The following CELSR1 variants were observed in gnomAD, a reference collection of about 807,000 sequenced individuals.
CELSR1 encodes the protein cadherin EGF LAG seven-pass G-type receptor 1.
CELSR1 carries 110 observed loss-of-function variants against 249.1 expected under a neutral mutation model. The observed-to-expected ratio is 0.44, with a 90% CI of 0.38 to 0.52. The LOEUF is 0.52. CELSR1 is among the 20% of genes least tolerant of loss of function. The pLI, the probability that CELSR1 is intolerant of heterozygous loss-of-function variation, is 0.00. For missense variants in CELSR1, 4,109 were observed against 4,296.4 expected, an observed-to-expected ratio of 0.96 and a Z score of 1.22; for synonymous variants, 2,113 against 1,900.0, an observed-to-expected ratio of 1.11 and a Z score of -2.92.
chr22:46,463,573 G>T, intron 2 of CELSR1, 134 bp downstream of exon 2: 1 of 904,344 alleles, frequency 1.1e-6, no homozygotes, highest in South Asian at 3.1e-5. Context: ...GGTTCGTGGA[G>T]CCCACACCTG....
rs1293033076 is a variant in CELSR1 at position 46,397,725 on chromosome 22, T to TG, written c.5649dup (p.Asn1884GlnfsTer2). ...TCCCAGGCGTCGTGGCAGCGGCTAT[T>TG]GGGGGGACAGGGGCTCGAGGTACAG... On this transcript the variant is annotated frameshift_variant, in exon 12 of 35. Coordinates refer to ENST00000674500, the MANE Select transcript of CELSR1 (RefSeq NM_001378328.1). LOFTEE classifies it high-confidence loss of function. 2 of 1,587,738 alleles carry TG rather than the reference T, an allele frequency of 1.3e-6. No individual in the cohort carries two copies. Among genetic ancestry groups the TG allele is most frequent in the Non-Finnish European group, 1.7e-6 (2 of 1,165,758 alleles).
rs1331999194 is a variant in CELSR1, at chr22:46,374,598, C to T, written c.7585-1541G>A. ...CGTGCGTGGCTGCCGGGACAGCGCT[C>T]ACTCCGGCAGGCGACGAGTCAGTGT... On this transcript the variant is annotated intron_variant, in intron 24 of 34. Transcript: ENST00000674500. The surrounding 1 kb of genome is among the most constrained non-coding windows in gnomAD (Gnocchi z 4.3). 1.3e-5 allele frequency among the ~76,000 whole-genome samples: 2 copies of T among 152,174 alleles called. No homozygotes were observed. Among genetic ancestry groups the T allele is most frequent in the African/African-American group, 2.4e-5 (1 of 41,450 alleles).
chr22:46,436,064 G>C lies in CELSR1; in HGVS notation c.4522+110C>G. On this transcript the variant is annotated intron_variant, in intron 4 of 34. Coordinates refer to ENST00000674500, the MANE Select transcript of CELSR1 (RefSeq NM_001378328.1). This position sits in a 1 kb window ranked among gnomAD's most constrained non-coding sequence, Gnocchi z 5.9. ...GACAGCTTCCTAGACCTACAAGTGA[G>C]GGATGAAAGGGTAAGCAGCTTGGAG... is the stretch of plus-strand genomic sequence containing the variant. The C allele has an allele frequency of 2.6e-6, 2 of 759,340 alleles. No individual in the cohort carries two copies. The highest frequency in any genetic ancestry group is 2.2e-6 in the Non-Finnish European group (1 of 452,748). The allele number at this position is 759,340 out of a possible 1,614,324, so 47.0% of individuals were successfully genotyped here.
Position 46,363,528 on chromosome 22 carries a change from G to GT in CELSR1, c.9036-282_9036-281insA. On this transcript the variant is annotated intron_variant, in intron 34 of 34. Transcript: ENST00000674500. The surrounding 1 kb of genome is among the most constrained non-coding windows in gnomAD (Gnocchi z 4.3). ...ATCTCTACAGTGACTTTTGGAAGGG[G>GT]CATTCTGAAGACCTGGCTTCTCCCT... 1 of 380,010 alleles carries GT rather than the reference G, an allele frequency of 2.6e-6. No homozygotes were observed. Among genetic ancestry groups the GT allele is most frequent in the Non-Finnish European group, 4.8e-6 (1 of 206,222 alleles). The allele number at this position is 380,010 out of a possible 1,614,324, so 23.5% of individuals were successfully genotyped here.
intron 4 of CELSR1, among the ~76,000 whole-genome samples, chr22:46,435,084 T>C (rs1015541856): frequency 1.3e-5 from 2 of 152,026 alleles, no homozygotes; most frequent in African/African-American, 4.8e-5. Context: ...TGTTCTTTTC[T>C]AACAACTGGA....
chr22:46,424,037 T>C (rs116742452), intron 5 of CELSR1, among the ~76,000 whole-genome samples: 3,921 of 152,164 alleles, frequency 0.026, 144 homozygotes, highest in African/African-American at 0.088. Context: ...GAAAAACATA[T>C]GTATATACCA....
Position 46,364,196 on chromosome 22 carries a change from C to T in CELSR1, c.8835G>A (p.Thr2945=), listed in dbSNP as rs776576111. The T allele has an allele frequency of 9.9e-6, 16 of 1,611,790 alleles. No individual in the cohort carries two copies. The highest frequency in any genetic ancestry group is 1.7e-4 in the Middle Eastern group (1 of 6,058). Residue 2945 remains threonine (T), a synonymous_variant, in exon 34 of 35, where the codon ACG becomes ACA. Transcript: ENST00000674500. ...GCTTCTCCCGGAGCCGGCCCTTCAG[C>T]GTCTGCTCCGTCAGCGTCAGCGGCG... ...YPPPLTLTEQ[T]LKGRLREKLA...
chr22:46,442,010 T>A (rs1424259488), intron 2 of CELSR1, among the ~76,000 whole-genome samples: 1 of 151,998 alleles, frequency 6.6e-6, no homozygotes, highest in Non-Finnish European at 1.5e-5. Flanking sequence ...TAGCTGGGTG[T>A]GGTGGCACAC....
chr22:46,460,585 C>T (rs554363845), intron 2 of CELSR1, among the ~76,000 whole-genome samples: 2 of 152,240 alleles, frequency 1.3e-5, no homozygotes, highest in Admixed American at 6.5e-5. Context: ...ACAAAAAGAC[C>T]GAGGGGCTGA....
Position 46,527,853 on chromosome 22 carries a change from T to C in CELSR1, c.3544+5774A>G, listed in dbSNP as rs1007150814. Reference sequence around the variant, plus strand: ...GCTCACGCCTGTAATCCCAGCATTTTGGGAGGCTGAGGCGGGCGGATAGCC... The same window carrying C: ...GCTCACGCCTGTAATCCCAGCATTTCGGGAGGCTGAGGCGGGCGGATAGCC... On this transcript the variant is annotated intron_variant, in intron 1 of 34. Transcript: ENST00000674500. This position sits in a 1 kb window ranked among gnomAD's most constrained non-coding sequence, Gnocchi z 5.5. Among the ~76,000 whole-genome samples, 2 of 152,168 alleles carry C rather than the reference T, an allele frequency of 1.3e-5. No homozygotes were observed. The highest frequency in any genetic ancestry group is 2.9e-5 in the Non-Finnish European group (2 of 68,038).
At position 46,398,249 on chromosome 22, in the gene CELSR1, C is replaced by T. The variant is rs371999017; in HGVS notation, c.5526+275G>A. 5.3e-5 allele frequency among the ~76,000 whole-genome samples: 8 copies of T among 151,732 alleles called. No individual in the cohort carries two copies. Among genetic ancestry groups the T allele is most frequent in the East Asian group, 3.9e-4 (2 of 5,158 alleles). ...TGGGTGGGGGTGGCGGCAAGGGGCTCGATTCAGGACACTTCACAAAGGCAG... is the reference window on the plus strand; with the variant it reads ...TGGGTGGGGGTGGCGGCAAGGGGCTTGATTCAGGACACTTCACAAAGGCAG... On this transcript the variant is annotated intron_variant, in intron 11 of 34. Transcript: ENST00000674500. This position sits in a 1 kb window ranked among gnomAD's most constrained non-coding sequence, Gnocchi z 7.2.
At position 46,433,554 on chromosome 22, in the gene CELSR1, G is replaced by A; in HGVS notation, c.4523-73C>T. ...CCTACTGGGGACCGAGGATTGCGCT[G>A]TGAGGCATCAGGGGGAGACAGGTGC... On this transcript the variant is annotated intron_variant, in intron 4 of 34. Coordinates refer to ENST00000674500, the MANE Select transcript of CELSR1 (RefSeq NM_001378328.1). The surrounding 1 kb of genome is among the most constrained non-coding windows in gnomAD (Gnocchi z 5.7). 8.3e-7 allele frequency: 1 copy of A among 1,200,288 alleles called. No individual in the cohort carries two copies. The highest frequency in any genetic ancestry group is 1.9e-4 in the Middle Eastern group (1 of 5,266). The allele number at this position is 1,200,288 out of a possible 1,614,324, so 74.4% of individuals were successfully genotyped here. A position where few individuals can be genotyped will look rare whatever the true frequency, so the allele number is the denominator to read the frequency against.
intron 1 of CELSR1, among the ~76,000 whole-genome samples, chr22:46,499,390 AG>A: frequency 6.6e-6 from 1 of 152,298 alleles, no homozygotes; most frequent in Admixed American, 6.5e-5. Context: ...CAGGCTACTT[AG>A]TACCCATCAG....
At chr22:46,376,855 G>T (rs111566297) in intron 24 of CELSR1, among the ~76,000 whole-genome samples, 1 of 151,546 alleles carries the variant, frequency 6.6e-6, no homozygotes, top group Non-Finnish European at 1.5e-5. Context: ...TCTCCCAATA[G>T]AGTCAAAGTG....
At chr22:46,483,046 C>G (rs2080281531) in intron 1 of CELSR1, among the ~76,000 whole-genome samples, 1 of 152,172 alleles carries the variant, frequency 6.6e-6, no homozygotes, top group South Asian at 2.1e-4. Flanking sequence ...AAACTGGATC[C>G]CTACCTCACA....
chr22:46,362,972 G>C lies in CELSR1; in HGVS notation c.*251C>G, dbSNP rs1467927869. The C allele has an allele frequency of 7.6e-6, 5 of 657,040 alleles. No individual in the cohort carries two copies. The highest frequency in any genetic ancestry group is 2.7e-5 in the East Asian group (1 of 36,850). 40.7% of individuals were successfully genotyped at this position (657,040 alleles called of 1,614,324 possible). ...GCCCAGTGGTCCACGCCTCCCTCAT[G>C]CCTGTGGCCTTTGGCACTTGTCACC... On this transcript the variant is annotated 3_prime_UTR_variant, in exon 35 of 35. Transcript: ENST00000674500.
At chr22:46,385,844 CT>C (rs2079027186) in intron 19 of CELSR1, among the ~76,000 whole-genome samples, 1 of 151,792 alleles carries the variant, frequency 6.6e-6, no homozygotes, top group African/African-American at 2.4e-5. Flanking sequence ...CGACCGGCTA[CT>C]TTTTTGTATT....
intron 23 of CELSR1, chr22:46,377,583 T>C: frequency 2.7e-6 from 1 of 373,926 alleles, no homozygotes; most frequent in Non-Finnish European, 5.0e-6. Context: ...TCCAGCCTCC[T>C]TTCTTCTGCC....
rs546550776 is a variant in CELSR1 at position 46,413,083 on chromosome 22, G to GA, written c.4612-1325dup. ...TGGGGTCAGTTTGAGTTTATAGCATGATACAATCTCATGCTTCTTTATAAA... is the reference window on the plus strand; with the variant it reads ...TGGGGTCAGTTTGAGTTTATAGCATGAATACAATCTCATGCTTCTTTATAAA... On this transcript the variant is annotated intron_variant, in intron 5 of 34. Transcript: ENST00000674500. The surrounding 1 kb of genome is among the most constrained non-coding windows in gnomAD (Gnocchi z 4.7). Among the ~76,000 whole-genome samples the GA allele has an allele frequency of 2.4e-4, 36 of 152,312 alleles. No individual in the cohort carries two copies. In the South Asian group the frequency reaches 4.6e-3, roughly 19 times the overall value.
Sources: gnomAD v4.1 joint callset for allele counts (sites outside exome capture counted in the v4.1 genomes callset) on GRCh38, gnomAD v4.1.1 for gene constraint, Gnocchi (gnomAD v3.1) non-coding constraint, MANE v1.5 for transcripts, NCBI Gene and HGNC (gene_info 2026-07-23, HGNC 2026-07-21) for gene names.